Variants in HERC5 observed in about 807,000 individuals in gnomAD.
HERC5 encodes HECT and RLD domain containing E3 ubiquitin protein ligase 5.
Under a neutral mutation model 119.6 loss-of-function variants are expected in HERC5, and 99 were observed. The observed-to-expected ratio is 0.83, with a 90% CI of 0.70 to 0.98. The LOEUF (loss-of-function observed/expected upper bound fraction) is 0.98. Among genes scored for constraint, HERC5 ranks in the 50% least tolerant of loss-of-function variants. The probability of loss-of-function intolerance (pLI) is 0.00; values close to 1 mark genes in which losing one functional copy is unlikely to be tolerated. For synonymous variants in HERC5, 478 were observed against 445.9 expected (o/e 1.07, Z -0.91); for missense variants, 1,267 against 1,241.3 (o/e 1.02, Z -0.31).
chr4:88,474,660 A>G (rs1480472788), intron 11 of HERC5, among the ~76,000 whole-genome samples: 2 of 152,196 alleles, frequency 1.3e-5, no homozygotes, highest in Non-Finnish European at 2.9e-5. Flanking sequence ...TAATATAATG[A>G]TTAAGAATTT....
chr4:88,505,797 C>T lies in HERC5; in HGVS notation c.2994C>T (p.Leu998=), dbSNP rs1214875652. 3.7e-6 allele frequency: 6 copies of T among 1,613,644 alleles called. No individual in the cohort carries two copies. In the East Asian group the frequency reaches 1.3e-4, roughly 36 times the overall value. ...GAGCACTGACATGTTTCAGTGTCCT[C>T]TTCCTCCCTAAATATTCTACAATGG... ...PIRALTCFSV[L]FLPKYSTMET... is the part of the protein sequence containing the mutation. Residue 998 remains leucine (L), a synonymous_variant, in exon 23 of 23, where the codon CTC becomes CTT. Coordinates refer to ENST00000264350, the MANE Select transcript of HERC5 (RefSeq NM_016323.4).
intron 18 of HERC5, among the ~76,000 whole-genome samples, chr4:88,496,561 T>C (rs1741800233): frequency 6.6e-6 from 1 of 152,122 alleles, no homozygotes. Context: ...ACTCAATAAA[T>C]GGAACTGGAA....
rs868763067 is a variant in HERC5, at chr4:88,468,647, G to A, written c.1134+225G>A. ...TGTCTAATCAGTGTGATTTCCATAG[G>A]CTATACTTACCTTTTGGGGGCTACT... On this transcript the variant is annotated intron_variant, in intron 8 of 22. Transcript: ENST00000264350. Among the ~76,000 whole-genome samples, 8 of 152,230 alleles carry A rather than the reference G, an allele frequency of 5.3e-5. No homozygotes were observed. In the South Asian group the frequency reaches 8.3e-4, roughly 16 times the overall value.
chr4:88,474,548 A>G (rs1467025449), intron 11 of HERC5, among the ~76,000 whole-genome samples: 1 of 152,226 alleles, frequency 6.6e-6, no homozygotes, highest in Non-Finnish European at 1.5e-5. Context: ...CGTAACTCCA[A>G]AGACCGAATC....
At position 88,479,442 on chromosome 4, in the gene HERC5, G is replaced by A. The variant is rs779575284; in HGVS notation, c.1672G>A (p.Asp558Asn). The A allele has an allele frequency of 2.5e-6, 4 of 1,613,338 alleles. No individual in the cohort carries two copies. In the South Asian group the frequency reaches 4.4e-5, roughly 18 times the overall value. Residue 558 changes from aspartate to asparagine, a missense_variant, in exon 13 of 23, where the codon GAT (aspartate) becomes AAT (asparagine). Transcript: ENST00000264350. ...CGTCATATGCCAGTTGGATTACTGG[G>A]ATGAAAGTGCTGAGGAGAATGGTAA... is the stretch of plus-strand genomic sequence containing the variant. Reference protein sequence around the residue: ...TAVICQLDYWDESAEENGNVQ... With the variant: ...TAVICQLDYWNESAEENGNVQ...
chr4:88,461,153 A>T (rs992914716), intron 3 of HERC5, among the ~76,000 whole-genome samples: 3 of 152,238 alleles, frequency 2.0e-5, no homozygotes, highest in Admixed American at 1.3e-4. Flanking sequence ...ATTAGTGAGT[A>T]TTTGACCTTC....
chr4:88,485,905 A>G (rs923365544), intron 13 of HERC5, among the ~76,000 whole-genome samples: 2 of 152,040 alleles, frequency 1.3e-5, no homozygotes, highest in Non-Finnish European at 2.9e-5. Flanking sequence ...GAGGTTTATC[A>G]TTACATCATC....
intron 18 of HERC5, among the ~76,000 whole-genome samples, chr4:88,496,798 C>T (rs1369040150): frequency 6.6e-6 from 1 of 152,150 alleles, no homozygotes; most frequent in Non-Finnish European, 1.5e-5. Context: ...TAAAGAACTT[C>T]TTTCTTCATC....
Position 88,470,677 on chromosome 4 carries a change from A to G in HERC5, c.1298+4A>G. 8.0e-7 allele frequency: 1 copy of G among 1,246,734 alleles called. No individual in the cohort carries two copies. The highest frequency in any genetic ancestry group is 1.2e-6 in the Non-Finnish European group (1 of 856,444). The allele number at this position is 1,246,734 out of a possible 1,614,324, so 77.2% of individuals were successfully genotyped here. On this transcript the variant is annotated splice_donor_region_variant and intron_variant, in intron 10 of 22. Coordinates refer to ENST00000264350, the MANE Select transcript of HERC5 (RefSeq NM_016323.4). ...CTGGAAGTTTTTTAAGGAAAAGGTA[A>G]TATATGTAATAAATTAATTGTATTA... is the stretch of plus-strand genomic sequence containing the variant.
At position 88,479,630 on chromosome 4, in the gene HERC5, T is replaced by A. The variant is rs563615864; in HGVS notation, c.1737+123T>A. 278 of 621,552 alleles carry A rather than the reference T, an allele frequency of 4.5e-4. 5 individuals carry two copies. In the South Asian group the frequency reaches 9.6e-3, roughly 22 times the overall value. 38.5% of individuals were successfully genotyped at this position (621,552 alleles called of 1,614,324 possible). ...TACGAAGTTTATATTGCTATTTTTT[T>A]AATTTTTTTTTAAAATTACATCATA... On this transcript the variant is annotated intron_variant, in intron 13 of 22. Coordinates refer to ENST00000264350, the MANE Select transcript of HERC5 (RefSeq NM_016323.4).
chr4:88,477,519 A>G (rs1194251045), intron 12 of HERC5, among the ~76,000 whole-genome samples: 1 of 92,820 alleles, frequency 1.1e-5, no homozygotes, highest in Non-Finnish European at 2.1e-5. Context: ...AACGGAAAGG[A>G]AGGGGGAGGG....
intron 15 of HERC5, among the ~76,000 whole-genome samples, chr4:88,488,644 C>G (rs1741542551): frequency 6.6e-6 from 1 of 152,054 alleles, no homozygotes; most frequent in Non-Finnish European, 1.5e-5. Context: ...CTTCAATTAA[C>G]TTCTTAGGTA....
rs1291331065 is a variant in HERC5, at chr4:88,466,572, C to T, written c.912-487C>T. Among the ~76,000 whole-genome samples the T allele has an allele frequency of 3.3e-5, 5 of 152,150 alleles. No homozygotes were observed. In the East Asian group the frequency reaches 7.7e-4, roughly 23 times the overall value. ...GGGAATTCTGTGGGTTTAGAGGTTA[C>T]CTCCTAGGAACAGGGCACCAGCCAG... On this transcript the variant is annotated intron_variant, in intron 6 of 22. Transcript: ENST00000264350.
chr4:88,486,887 T>C (rs544211889), intron 14 of HERC5, among the ~76,000 whole-genome samples, 182 bp from the exon 15 acceptor site: 1 of 152,360 alleles, frequency 6.6e-6, no homozygotes, highest in African/African-American at 2.4e-5. Flanking sequence ...ATTCTCTTTA[T>C]ATACCTTTCA....
rs758540520 is a variant in HERC5, at chr4:88,457,268, C to A, written c.-2C>A. The A allele has an allele frequency of 4.5e-6, 6 of 1,332,962 alleles. No homozygotes were observed. Among genetic ancestry groups the A allele is most frequent in the Non-Finnish European group, 5.7e-6 (6 of 1,043,756 alleles). The allele number at this position is 1,332,962 out of a possible 1,614,324, so 82.6% of individuals were successfully genotyped here. A position where few individuals can be genotyped will look rare whatever the true frequency, so the allele number is the denominator to read the frequency against. ...CTGGGCCTGGGACCCCGCAAAGCGG[C>A]GATGGAGCGGAGGTCGCGGAGGAAG... On this transcript the variant is annotated 5_prime_UTR_variant, in exon 1 of 23. Coordinates refer to ENST00000264350, the MANE Select transcript of HERC5 (RefSeq NM_016323.4).
At chr4:88,488,473 C>T (rs1741537116) in intron 15 of HERC5, among the ~76,000 whole-genome samples, 1 of 152,144 alleles carries the variant, frequency 6.6e-6, no homozygotes, top group Middle Eastern at 3.4e-3. Context: ...CTCAAGTGAT[C>T]CGCCCGCCTC....
chr4:88,487,543 G>C (rs1741509068), intron 15 of HERC5, among the ~76,000 whole-genome samples: 12 of 152,176 alleles, frequency 7.9e-5, no homozygotes, highest in Admixed American at 7.9e-4. Flanking sequence ...CCTATGTAAG[G>C]AGGCACAATC....
rs1230596759 is a variant in HERC5, at chr4:88,504,661, T to C, written c.2869+64T>C. ...TCTTTTTAATGGGATAAAAATTTCC[T>C]TTATGATAAGTACCATTTGCAACAG... On this transcript the variant is annotated intron_variant, in intron 22 of 22. Coordinates refer to ENST00000264350, the MANE Select transcript of HERC5 (RefSeq NM_016323.4). 4.9e-6 allele frequency: 5 copies of C among 1,020,124 alleles called. No individual in the cohort carries two copies. The African/African-American group carries it at 4.9e-5, about 10-fold the overall frequency. The allele number at this position is 1,020,124 out of a possible 1,614,324, so 63.2% of individuals were successfully genotyped here.
chr4:88,482,774 G>A (rs1487594036), intron 13 of HERC5, among the ~76,000 whole-genome samples: 2 of 152,146 alleles, frequency 1.3e-5, no homozygotes, highest in Admixed American at 1.3e-4. Context: ...GGGATTACAG[G>A]CGTGCACCAC....
Sources: allele counts gnomAD v4.1 joint callset (sites outside exome capture counted in the v4.1 genomes callset), GRCh38; gene constraint gnomAD v4.1.1; transcripts MANE v1.5; gene names NCBI Gene and HGNC (gene_info 2026-07-23, HGNC 2026-07-21).